CLIC5: variants seen among roughly 807,000 people sequenced by gnomAD.
CLIC5 encodes chloride intracellular channel protein 5.
In CLIC5, 20 loss-of-function variants were observed where a neutral mutation model predicts 24.7. That is an observed-to-expected ratio of 0.81 (90% CI 0.57 to 1.18). CLIC5 has a LOEUF of 1.18. CLIC5 is among the 50% of genes most tolerant of loss of function. The pLI is 0.00. For synonymous variants in CLIC5, 159 were observed against 135.6 expected (o/e 1.17, Z -1.20); for missense variants, 341 against 326.1 (o/e 1.05, Z -0.35).
chr6:45,944,798 G>T (rs887763995), intron 3 of CLIC5, among the ~76,000 whole-genome samples: 2 of 152,170 alleles, frequency 1.3e-5, no homozygotes, highest in Non-Finnish European at 2.9e-5. Context: ...TGGAGAAAAA[G>T]AAAGACGGTC....
intron 6 of CLIC5, among the ~76,000 whole-genome samples, chr6:45,889,873 C>G (rs532115198): frequency 6.6e-6 from 1 of 152,196 alleles, no homozygotes; most frequent in African/African-American, 2.4e-5. Flanking sequence ...CAGCAAAAGA[C>G]TAGAAATGAC....
intron 1 of CLIC5, among the ~76,000 whole-genome samples, chr6:45,976,861 A>C (rs572793037): frequency 1.3e-5 from 2 of 152,318 alleles, no homozygotes; most frequent in East Asian, 3.9e-4. Flanking sequence ...AATAACACTA[A>C]CAACAACAAA....
At chr6:46,033,233 C>T (rs917707171) in intron 1 of CLIC5, among the ~76,000 whole-genome samples, 3 of 151,226 alleles carry the variant, frequency 2.0e-5, no homozygotes, top group Non-Finnish European at 4.4e-5. Flanking sequence ...ATGATCCGCC[C>T]GCCTCGGCCT....
At chr6:45,935,316 G>A (rs942953249) in intron 4 of CLIC5, among the ~76,000 whole-genome samples, 8 of 152,212 alleles carry the variant, frequency 5.3e-5, no homozygotes, top group Non-Finnish European at 4.4e-5. Context: ...TCACAGCGAC[G>A]CTTGCTAGAG....
At chr6:45,997,102 G>C (rs1180839099) in intron 1 of CLIC5, among the ~76,000 whole-genome samples, 9 of 151,188 alleles carry the variant, frequency 6.0e-5, no homozygotes, top group East Asian at 1.9e-4. Flanking sequence ...TTGGAACCAA[G>C]CCAAATGTCC....
the CLIC5 span, among the ~76,000 whole-genome samples, chr6:46,120,315 C>A: frequency 2.0e-5 from 3 of 152,222 alleles, no homozygotes; most frequent in African/African-American, 4.8e-5. Flanking sequence ...GATACCCAGG[C>A]AAACAGGGTC....
At chr6:45,957,563 C>T (rs1336763053) in intron 1 of CLIC5, among the ~76,000 whole-genome samples, 2 of 152,138 alleles carry the variant, frequency 1.3e-5, no homozygotes, top group Non-Finnish European at 1.5e-5. Context: ...TATGGACATC[C>T]TCTGGTCAGT....
chr6:46,011,357 C>T (rs1021404095), intron 1 of CLIC5, among the ~76,000 whole-genome samples: 19 of 152,234 alleles, frequency 1.2e-4, no homozygotes, highest in African/African-American at 2.9e-4. Flanking sequence ...GTGGCAGAAG[C>T]TGCCTGCTAT....
At chr6:45,935,610 A>G (rs1210566513) in intron 4 of CLIC5, among the ~76,000 whole-genome samples, 1 of 152,244 alleles carries the variant, frequency 6.6e-6, no homozygotes, top group Non-Finnish European at 1.5e-5. Context: ...GAACCCCTCC[A>G]GCCAAATCTA....
rs2127446555 is a variant in CLIC5 at position 46,015,821 on chromosome 6, C to T, written c.-279G>A. 1 of 1,163,218 alleles carries T rather than the reference C, an allele frequency of 8.6e-7. No homozygotes were observed. Among genetic ancestry groups the T allele is most frequent in the Non-Finnish European group, 1.1e-6 (1 of 943,524 alleles). The allele number at this position is 1,163,218 out of a possible 1,614,324, so 72.1% of individuals were successfully genotyped here. A position where few individuals can be genotyped will look rare whatever the true frequency, so the allele number is the denominator to read the frequency against. ...AACAGGTCGTGGGAGCAACAAGTGC[C>T]GGGCTGCCCGGAGGTGTCACAGGAT... On this transcript the variant is annotated 5_prime_UTR_variant, in exon 1 of 6. Transcript: ENST00000339561.
At chr6:46,063,567 C>T (rs949328444) in intron 1 of CLIC5, among the ~76,000 whole-genome samples, 3 of 152,124 alleles carry the variant, frequency 2.0e-5, no homozygotes, top group Non-Finnish European at 4.4e-5. Context: ...GCTTAGAGAG[C>T]ACTCTTGAGA....
intron 1 of CLIC5, among the ~76,000 whole-genome samples, chr6:46,022,597 TA>T (rs1215678134): frequency 2.0e-5 from 3 of 152,190 alleles, no homozygotes; most frequent in Non-Finnish European, 4.4e-5. Context: ...TCTATTTCTT[TA>T]TAACCTAAGG....
chr6:45,936,793 G>A (rs1028229107), intron 4 of CLIC5, among the ~76,000 whole-genome samples: 5 of 152,132 alleles, frequency 3.3e-5, no homozygotes, highest in South Asian at 2.1e-4. Flanking sequence ...AAAACCAGGC[G>A]TGTGGGTGAG....
chr6:45,941,898 C>G (rs1764145346), intron 3 of CLIC5, among the ~76,000 whole-genome samples: 1 of 152,112 alleles, frequency 6.6e-6, no homozygotes, highest in Non-Finnish European at 1.5e-5. Flanking sequence ...AGGCAAAGAA[C>G]CAGAATGCCA....
At chr6:46,077,397 G>A (rs918306256) in intron 1 of CLIC5, among the ~76,000 whole-genome samples, 1 of 151,990 alleles carries the variant, frequency 6.6e-6, no homozygotes, top group Non-Finnish European at 1.5e-5. Flanking sequence ...GAACTGAAAA[G>A]CCGTAAGCCC....
Position 45,899,467 on chromosome 6 carries a change from T to G in CLIC5, c.*3621A>C, listed in dbSNP as rs1440066684. On this transcript the variant is annotated 3_prime_UTR_variant, in exon 6 of 6. Coordinates refer to ENST00000339561, the MANE Select transcript of CLIC5 (RefSeq NM_016929.5). ...ACTTACCAAATACTCACCTGCTGCT[T>G]CTAGTTTAATTTAATTTTAGACACA... 6.6e-6 allele frequency: 1 copy of G among 152,228 alleles called. No individual in the cohort carries two copies. Among genetic ancestry groups the G allele is most frequent in the Non-Finnish European group, 1.5e-5 (1 of 68,060 alleles). 9.4% of individuals were successfully genotyped at this position (152,228 alleles called of 1,614,324 possible).
At chr6:45,966,681 G>A (rs1561970408) in intron 1 of CLIC5, among the ~76,000 whole-genome samples, 1 of 151,702 alleles carries the variant, frequency 6.6e-6, no homozygotes, top group Admixed American at 6.6e-5. Context: ...TACCTAAACT[G>A]GAAACTCCTT....
intron 6 of CLIC5, among the ~76,000 whole-genome samples, chr6:45,885,064 G>A (rs1459023197): frequency 1.4e-5 from 2 of 147,108 alleles, no homozygotes; most frequent in Non-Finnish European, 3.0e-5. Context: ...CCCTACCACC[G>A]CCCACTACCT....
In CLIC5 at chr6:45,942,347, A is replaced by G. The variant is rs2039715; in HGVS notation, c.300-694T>C. On this transcript the variant is annotated intron_variant, in intron 3 of 5. Coordinates refer to ENST00000339561, the MANE Select transcript of CLIC5 (RefSeq NM_016929.5). ...TAGAGTCTTTCATTTTGAAGCCACA[A>G]TAATACAAGAGGCAGGCTGGAGTTA... Among the ~76,000 whole-genome samples the G allele has an allele frequency of 2.9e-3, 442 of 152,344 alleles. 1 individual carries two copies. The highest frequency in any genetic ancestry group is 0.01 in the African/African-American group (422 of 41,578).
Sources: gnomAD v4.1 joint callset for allele counts (sites outside exome capture counted in the v4.1 genomes callset) on GRCh38, gnomAD v4.1.1 for gene constraint, MANE v1.5 for transcripts, NCBI Gene and HGNC (gene_info 2026-07-23, HGNC 2026-07-21) for gene names.